GLIS1: variants seen among roughly 807,000 people sequenced by gnomAD.
GLIS1 encodes the protein zinc finger protein GLIS1.
A neutral mutation model predicts 63.8 loss-of-function variants in GLIS1; 24 were observed. That is an observed-to-expected ratio of 0.38 (90% CI 0.27 to 0.53). GLIS1 has a LOEUF of 0.53. Ranked by LOEUF, GLIS1 falls within the 20% of genes least tolerant of loss-of-function variation. GLIS1 has a pLI of 0.85. For missense variants in GLIS1, 1,036 were observed against 1,074.1 expected (o/e 0.96, Z 0.50); for synonymous variants, 450 against 482.5 (o/e 0.93, Z 0.88).
chr1:53,737,064 A>G (rs1447880382), intron 2 of GLIS1, among the ~76,000 whole-genome samples: 2 of 152,240 alleles, frequency 1.3e-5, no homozygotes, highest in African/African-American at 4.8e-5. Context: ...CACGAAACTC[A>G]TAAATAATGA....
intron 4 of GLIS1, among the ~76,000 whole-genome samples, chr1:53,553,233 A>G (rs1423486747): frequency 6.6e-6 from 1 of 152,160 alleles, no homozygotes; most frequent in African/African-American, 2.4e-5. Context: ...TTGTGGGGTT[A>G]TTCCATCCAA....
intron 2 of GLIS1, chr1:53,734,024 G>A (rs1286643727): frequency 2.0e-6 from 2 of 983,328 alleles, no homozygotes; most frequent in African/African-American, 1.8e-5. Context: ...ACTGTCCACC[G>A]CCCCCACTCC....
intron 2 of GLIS1, among the ~76,000 whole-genome samples, chr1:53,636,986 C>A (rs1255585816): frequency 6.6e-6 from 1 of 152,204 alleles, no homozygotes; most frequent in Non-Finnish European, 1.5e-5. Flanking sequence ...TACAACAGGT[C>A]GCAGTGAGCG....
intron 4 of GLIS1, among the ~76,000 whole-genome samples, chr1:53,568,348 A>G (rs1470687294): frequency 6.6e-6 from 1 of 152,086 alleles, no homozygotes; most frequent in African/African-American, 2.4e-5. Context: ...CCCCTATTGT[A>G]TATTGAAAGT....
chr1:53,698,121 A>G (rs2100483680), intron 2 of GLIS1, among the ~76,000 whole-genome samples: 1 of 150,322 alleles, frequency 6.7e-6, no homozygotes, highest in East Asian at 2.0e-4. Context: ...CAAACAGGAA[A>G]CAATTAAAGA....
chr1:53,633,005 G>GGT (rs1645680187), intron 2 of GLIS1, among the ~76,000 whole-genome samples: 5 of 145,068 alleles, frequency 3.4e-5, no homozygotes, highest in East Asian at 2.2e-4. Flanking sequence ...GTGACTGAGG[G>GGT]GTGTGAATGA....
chr1:53,693,904 A>G (rs952222980), intron 2 of GLIS1, among the ~76,000 whole-genome samples: 4 of 152,234 alleles, frequency 2.6e-5, no homozygotes, highest in African/African-American at 9.6e-5. Flanking sequence ...GAAACAGGAA[A>G]CATGACGCAG....
chr1:53,597,175 C>CT (rs1557471919), intron 3 of GLIS1, among the ~76,000 whole-genome samples: 20 of 38,490 alleles, frequency 5.2e-4, no homozygotes, highest in Non-Finnish European at 7.1e-4. Context: ...CCTGTCTCTA[C>CT]TAAAAAAAAA....
intron 4 of GLIS1, among the ~76,000 whole-genome samples, chr1:53,556,993 C>T (rs143825045): frequency 3.3e-5 from 5 of 149,390 alleles, no homozygotes; most frequent in Admixed American, 6.6e-5. Flanking sequence ...TGTGTGTGTT[C>T]GTGTGTACTA....
At chr1:53,542,229 C>A (rs916142524) in intron 4 of GLIS1, among the ~76,000 whole-genome samples, 1 of 152,244 alleles carries the variant, frequency 6.6e-6, no homozygotes, top group Non-Finnish European at 1.5e-5. Flanking sequence ...TGGAATAGCA[C>A]TGCACCTCCA....
intron 4 of GLIS1, among the ~76,000 whole-genome samples, chr1:53,545,891 G>A (rs1012537433): frequency 2.6e-5 from 4 of 152,192 alleles, no homozygotes; most frequent in Non-Finnish European, 5.9e-5. Flanking sequence ...AGCCAGATCC[G>A]GTCCATGCGC....
At chr1:53,721,495 A>C (rs1010376182) in intron 2 of GLIS1, among the ~76,000 whole-genome samples, 1 of 103,774 alleles carries the variant, frequency 9.6e-6, no homozygotes, top group Non-Finnish European at 2.0e-5. Context: ...AGAAAATGCC[A>C]AAAAAAAAAA....
At chr1:53,515,079 ATGTGTGTGTGTGTGTGTGTGTG>A (rs5774151) in intron 7 of GLIS1, among the ~76,000 whole-genome samples, 8 of 141,994 alleles carry the variant, frequency 5.6e-5, no homozygotes, top group Non-Finnish European at 1.2e-4. Context: ...GTGTGTGTAT[ATGTGTGTGTGTGTGTGTGTGTG>A]TGTGTGTGTG....
chr1:53,570,985 T>C (rs1569846630), intron 4 of GLIS1, among the ~76,000 whole-genome samples: 2 of 151,878 alleles, frequency 1.3e-5, no homozygotes, highest in Middle Eastern at 6.8e-3. Flanking sequence ...GAAAAGCTTC[T>C]ACTAAAAAAA....
intron 4 of GLIS1, among the ~76,000 whole-genome samples, chr1:53,564,477 C>T (rs1381321702): frequency 2.0e-5 from 3 of 152,008 alleles, no homozygotes; most frequent in Non-Finnish European, 4.4e-5. Context: ...AGAAATATGT[C>T]CAAATGCATT....
chr1:53,654,773 T>C (rs374044628), intron 2 of GLIS1, among the ~76,000 whole-genome samples: 58 of 152,208 alleles, frequency 3.8e-4, no homozygotes, highest in African/African-American at 1.3e-3. Context: ...AGGAGCAGCG[T>C]CGTGCCGCTA....
chr1:53,734,069 T>G (rs1366835908), intron 2 of GLIS1: 1 of 985,208 alleles, frequency 1.0e-6, no homozygotes, highest in Non-Finnish European at 1.2e-6. Context: ...TCCTTTTTTT[T>G]TTTTTTCAAG....
chr1:53,547,548 C>T (rs1644716335), intron 4 of GLIS1, among the ~76,000 whole-genome samples: 1 of 152,238 alleles, frequency 6.6e-6, no homozygotes. Context: ...GGCCCTGACC[C>T]AGGCAGGGCT....
Position 53,651,174 on chromosome 1 carries a change from C to T in GLIS1, c.260-50896G>A, listed in dbSNP as rs776711587. Among the ~76,000 whole-genome samples, 16 of 152,172 alleles carry T rather than the reference C, an allele frequency of 1.1e-4. 1 individual carries two copies. The highest frequency in any genetic ancestry group is 8.5e-4 in the Admixed American group (13 of 15,278). Reference sequence around the variant, plus strand: ...TTATTCATTCCACATATGGGCAGAGCGATGCCTTTCATGTGCACATTGTTT... The same window carrying T: ...TTATTCATTCCACATATGGGCAGAGTGATGCCTTTCATGTGCACATTGTTT... On this transcript the variant is annotated intron_variant, in intron 2 of 10. Transcript: ENST00000628545.
Sources: allele counts gnomAD v4.1 joint callset (sites outside exome capture counted in the v4.1 genomes callset), GRCh38; gene constraint gnomAD v4.1.1; transcripts MANE v1.5; gene names NCBI Gene and HGNC (gene_info 2026-07-23, HGNC 2026-07-21).